Variants in SGCZ observed in about 807,000 individuals in gnomAD.
The protein encoded by SGCZ is sarcoglycan zeta.
Under a neutral mutation model 41.3 loss-of-function variants are expected in SGCZ, and 40 were observed. The ratio of observed to expected loss-of-function variants is 0.97; its 90% CI spans 0.75 to 1.26. The LOEUF (loss-of-function observed/expected upper bound fraction) is 1.26, where lower values mean the gene tolerates loss of function less well. Ranked by LOEUF, SGCZ falls within the 50% of genes most tolerant of loss-of-function variation. The probability of loss-of-function intolerance (pLI) is 0.00; values close to 1 mark genes in which losing one functional copy is unlikely to be tolerated. For missense variants in SGCZ, 552 were observed against 369.8 expected, an observed-to-expected ratio of 1.49 and a Z score of -4.04; for synonymous variants, 206 against 137.5, an observed-to-expected ratio of 1.50 and a Z score of -3.49.
At chr8:14,705,798 T>C (rs1486456685) in intron 1 of SGCZ, among the ~76,000 whole-genome samples, 1 of 152,022 alleles carries the variant, frequency 6.6e-6, no homozygotes, top group Admixed American at 6.6e-5. Context: ...ATAAGGCCAA[T>C]ATTTTTACCC....
At chr8:14,368,183 T>A (rs1311480953) in intron 2 of SGCZ, among the ~76,000 whole-genome samples, 1 of 152,072 alleles carries the variant, frequency 6.6e-6, no homozygotes, top group Non-Finnish European at 1.5e-5. Flanking sequence ...ATATTTGCAT[T>A]GATGACATAT....
At chr8:15,166,310 A>G (rs2085123) in intron 1 of SGCZ, among the ~76,000 whole-genome samples, 1 of 150,738 alleles carries the variant, frequency 6.6e-6, no homozygotes, top group Non-Finnish European at 1.5e-5. Flanking sequence ...TGCAGTGGCA[A>G]GATCTCAGCT....
chr8:14,197,273 G>A (rs1420291814), intron 4 of SGCZ, among the ~76,000 whole-genome samples: 1 of 151,792 alleles, frequency 6.6e-6, no homozygotes. Flanking sequence ...AGAAATGAAG[G>A]GAACACTTCA....
chr8:14,358,266 AT>A (rs1196697974), intron 2 of SGCZ, among the ~76,000 whole-genome samples: 1 of 152,304 alleles, frequency 6.6e-6, no homozygotes, highest in African/African-American at 2.4e-5. Context: ...ATATTTTTAG[AT>A]TGATATTTTC....
At chr8:14,946,006 ATATATATATATATATATATATATAT>A (rs1800430718) in intron 1 of SGCZ, among the ~76,000 whole-genome samples, 1 of 1,950 alleles carries the variant, frequency 5.1e-4, no homozygotes, top group Non-Finnish European at 1.0e-3. Context: ...AAATGTCCCC[ATATATATATATATATATATATATAT>A]ATATATATAT....
chr8:14,395,894 T>A (rs960388054), intron 2 of SGCZ, among the ~76,000 whole-genome samples: 8 of 152,346 alleles, frequency 5.3e-5, no homozygotes, highest in African/African-American at 1.9e-4. Flanking sequence ...ATCTGTTCGC[T>A]TCTCAATAAA....
At chr8:15,020,404 CAA>C (rs567230309) in intron 1 of SGCZ, among the ~76,000 whole-genome samples, 1 of 152,246 alleles carries the variant, frequency 6.6e-6, no homozygotes, top group Admixed American at 6.5e-5. Flanking sequence ...CACACTGCCT[CAA>C]TTGCCACCTC....
chr8:14,314,623 T>C (rs181091153), intron 3 of SGCZ, among the ~76,000 whole-genome samples: 1 of 152,248 alleles, frequency 6.6e-6, no homozygotes, highest in African/African-American at 2.4e-5. Context: ...TAAAAAGAAT[T>C]TGAACTACAA....
intron 1 of SGCZ, among the ~76,000 whole-genome samples, chr8:14,867,076 G>C (rs1464095357): frequency 6.6e-6 from 1 of 152,000 alleles, no homozygotes; most frequent in East Asian, 1.9e-4. Flanking sequence ...CCAATGTCTA[G>C]GTCATTCACT....
At chr8:15,169,715 T>C (rs1474765767) in intron 1 of SGCZ, among the ~76,000 whole-genome samples, 4 of 152,206 alleles carry the variant, frequency 2.6e-5, no homozygotes, top group Admixed American at 2.6e-4. Flanking sequence ...ATTTCCTGTA[T>C]CTTCACATGG....
chr8:14,927,718 T>A (rs1417507025), intron 1 of SGCZ, among the ~76,000 whole-genome samples: 1 of 152,166 alleles, frequency 6.6e-6, no homozygotes, highest in Admixed American at 6.5e-5. Context: ...AGTAAAACAT[T>A]GAGAAAAAGA....
At chr8:14,560,794 T>A (rs957306728) in intron 1 of SGCZ, among the ~76,000 whole-genome samples, 1 of 151,960 alleles carries the variant, frequency 6.6e-6, no homozygotes, top group Admixed American at 6.6e-5. Flanking sequence ...GGTAACTATA[T>A]CAAATGCCTC....
chr8:14,991,527 T>A (rs561596440), intron 1 of SGCZ, among the ~76,000 whole-genome samples: 1 of 152,270 alleles, frequency 6.6e-6, no homozygotes, highest in South Asian at 2.1e-4. Context: ...TTTCATGTCA[T>A]CTGGCCACGT....
chr8:14,585,807 A>G (rs1031842302), intron 1 of SGCZ, among the ~76,000 whole-genome samples: 3 of 152,198 alleles, frequency 2.0e-5, no homozygotes, highest in Non-Finnish European at 4.4e-5. Flanking sequence ...CAAAAAGTTC[A>G]TGTGATTGTC....
intron 5 of SGCZ, among the ~76,000 whole-genome samples, 185 bp downstream of exon 5, chr8:14,164,395 T>G (rs759951898): frequency 6.6e-6 from 1 of 152,146 alleles, no homozygotes; most frequent in East Asian, 1.9e-4. Flanking sequence ...GCTGCTAATA[T>G]TTGCATTCTT....
At chr8:14,989,490 T>C (rs956389194) in intron 1 of SGCZ, among the ~76,000 whole-genome samples, 3 of 152,004 alleles carry the variant, frequency 2.0e-5, no homozygotes, top group Non-Finnish European at 4.4e-5. Flanking sequence ...GTCCTCTAAA[T>C]ACTAATAGTA....
At chr8:14,567,795 A>G (rs1240012191) in intron 1 of SGCZ, among the ~76,000 whole-genome samples, 1 of 152,056 alleles carries the variant, frequency 6.6e-6, no homozygotes, top group Non-Finnish European at 1.5e-5. Context: ...GGAGGAATGA[A>G]CACCTCCAGA....
Position 14,335,241 on chromosome 8 carries a change from G to C in SGCZ, c.235-11037C>G, listed in dbSNP as rs902320632. 2.6e-5 allele frequency among the ~76,000 whole-genome samples: 4 copies of C among 152,220 alleles called. No homozygotes were observed. In the South Asian group the frequency reaches 8.3e-4, roughly 32 times the overall value. ...ACTAAAGAAGTCCCTTGGAGTTTTA[G>C]TGTCTGAAGATCCTTCCAAACATCA... On this transcript the variant is annotated intron_variant, in intron 2 of 7. Coordinates refer to ENST00000382080, the MANE Select transcript of SGCZ (RefSeq NM_139167.4).
chr8:14,558,946 C>A (rs1427430889), intron 1 of SGCZ, among the ~76,000 whole-genome samples: 1 of 151,892 alleles, frequency 6.6e-6, no homozygotes, highest in Non-Finnish European at 1.5e-5. Context: ...ATGATTAAAA[C>A]CCTCAACAAA....
Sources: gnomAD v4.1 joint callset for allele counts (sites outside exome capture counted in the v4.1 genomes callset) on GRCh38, gnomAD v4.1.1 for gene constraint, MANE v1.5 for transcripts, NCBI Gene and HGNC (gene_info 2026-07-23, HGNC 2026-07-21) for gene names.